Variants in GALNT15 observed in about 807,000 individuals in gnomAD.
GALNT15 encodes UDP-GalNAc transferase T15.
Under a neutral mutation model 66.8 loss-of-function variants are expected in GALNT15, and 67 were observed. The observed-to-expected ratio is 1.00, with a 90% CI of 0.82 to 1.23. The LOEUF is 1.23. Ranked by LOEUF, GALNT15 falls within the 50% of genes most tolerant of loss-of-function variation. The pLI is 0.00. For synonymous variants in GALNT15, 313 were observed against 311.5 expected (o/e 1.00, Z -0.05); for missense variants, 827 against 804.3 (o/e 1.03, Z -0.34).
intron 6 of GALNT15, among the ~76,000 whole-genome samples, chr3:16,218,636 C>T (rs2063905874): frequency 6.6e-6 from 1 of 152,074 alleles, no homozygotes; most frequent in African/African-American, 2.4e-5. Flanking sequence ...GCCCCAACCC[C>T]TAGCCCACGA....
rs1372879327 is a variant in GALNT15, at chr3:16,191,601, A to G, written c.540-4159A>G. The stretch of plus-strand genomic sequence containing the variant: ...CACCCGGCAGAGAATGTTCTGTGAA[A>G]TCAAAGAAAGGAACTTGAGTGCCCT... On this transcript the variant is annotated intron_variant, in intron 1 of 9. Transcript: ENST00000339732. This position sits in a 1 kb window ranked among gnomAD's most constrained non-coding sequence, Gnocchi z 5.2. Among the ~76,000 whole-genome samples the G allele has an allele frequency of 6.6e-6, 1 of 152,250 alleles. No homozygotes were observed. The highest frequency in any genetic ancestry group is 2.4e-5 in the African/African-American group (1 of 41,460).
At chr3:16,196,540 T>C (rs1351856049) in intron 2 of GALNT15, among the ~76,000 whole-genome samples, 2 of 152,082 alleles carry the variant, frequency 1.3e-5, no homozygotes, top group Admixed American at 6.5e-5. Context: ...TAAAAGAAGA[T>C]GGAGACAGAG....
chr3:16,212,498 A>T, intron 5 of GALNT15, 71 bp from the exon 6 acceptor site: 1 of 1,442,772 alleles, frequency 6.9e-7, no homozygotes, highest in Non-Finnish European at 9.5e-7. Context: ...CCCCTCATAG[A>T]TAGGGCTCCC....
At chr3:16,239,982 T>A in the GALNT15 span, among the ~76,000 whole-genome samples, 1 of 152,250 alleles carries the variant, frequency 6.6e-6, no homozygotes, top group Non-Finnish European at 1.5e-5. The surrounding 1 kb of genome is among the most constrained non-coding windows in gnomAD (Gnocchi z 5.2). Context: ...TCTCAAGGCT[T>A]TACCATAAGA....
chr3:16,233,429 G>A (rs970323742), downstream of GALNT15, among the ~76,000 whole-genome samples: 5 of 152,050 alleles, frequency 3.3e-5, no homozygotes, highest in Non-Finnish European at 5.9e-5. Context: ...AATAACAACC[G>A]TTGTTAATTC....
At position 16,175,482 on chromosome 3, in the gene GALNT15, G is replaced by A. The variant is rs768261466; in HGVS notation, c.331G>A (p.Gly111Ser). The change falls in exon 1 of 10, where the codon GGC becomes AGC. Residue 111 changes from glycine (G) to serine (S), a missense_variant. Gly to Ser is a moderately conservative substitution (Grantham distance 56). Transcript: ENST00000339732. The surrounding 1 kb of genome is among the most constrained non-coding windows in gnomAD (Gnocchi z 5.6). ...CCAGGCCAGAAGGAACCAGAGCCAG[G>A]GCAGGAGAGGTGGGAGCTACCGCCT... The part of the protein sequence containing the change: ...LPQARRNQSQ[G>S]RRGGSYRLIK... The A allele has an allele frequency of 1.9e-6, 3 of 1,613,874 alleles. No individual in the cohort carries two copies. In the African/African-American group the frequency reaches 4.0e-5, roughly 22 times the overall value.
chr3:16,175,258 C>T lies in GALNT15; in HGVS notation c.107C>T (p.Pro36Leu). The change falls in exon 1 of 10, where the codon CCC becomes CTC. Residue 36 changes from proline to leucine, a missense_variant. By Grantham distance (98) the Pro-to-Leu change is moderately conservative. Transcript: ENST00000339732. This position sits in a 1 kb window ranked among gnomAD's most constrained non-coding sequence, Gnocchi z 5.6. ...ATGATGGTGGCGATGTTGCACCCTC[C>T]CCACCACACCCTGCACCAGACTGTC... ...VLMMVAMLHP[P>L]HHTLHQTVTA... The T allele has an allele frequency of 3.7e-6, 6 of 1,614,168 alleles. No homozygotes were observed. Among genetic ancestry groups the T allele is most frequent in the Non-Finnish European group, 5.1e-6 (6 of 1,180,014 alleles).
chr3:16,203,281 C>T lies in GALNT15; in HGVS notation c.911+2458C>T, dbSNP rs905226318. Among the ~76,000 whole-genome samples, 2 of 151,966 alleles carry T rather than the reference C, an allele frequency of 1.3e-5. No homozygotes were observed. The highest frequency in any genetic ancestry group is 4.8e-5 in the African/African-American group (2 of 41,352). Reference sequence around the variant, plus strand: ...CATGTGTTACCTGCTGCTGTGAGTCCCTCGTATCTGCTTCTCACATCGGGG... The same window carrying T: ...CATGTGTTACCTGCTGCTGTGAGTCTCTCGTATCTGCTTCTCACATCGGGG... On this transcript the variant is annotated intron_variant, in intron 3 of 9. Coordinates refer to ENST00000339732, the MANE Select transcript of GALNT15 (RefSeq NM_054110.5). The surrounding 1 kb of genome is among the most constrained non-coding windows in gnomAD (Gnocchi z 6.2).
Position 16,195,767 on chromosome 3 carries a change from C to T in GALNT15, c.547C>T (p.Gln183Ter), listed in dbSNP as rs1160315365. The part of the protein sequence containing the change: ...LPEVRHPLCL[Q>*]QHPQDSLPTA... ...TGGCTCTCTTCCCTGCAGGTGTCTG[C>T]AGCAGCACCCTCAGGACAGCCTGCC... The change falls in exon 2 of 10, where the codon CAG (glutamine) becomes TAG (stop). Residue 183 changes from glutamine (Q) to a stop codon, truncating the protein, a stop_gained. Coordinates refer to ENST00000339732, the MANE Select transcript of GALNT15 (RefSeq NM_054110.5). LOFTEE classifies it high-confidence loss of function. The surrounding 1 kb of genome is among the most constrained non-coding windows in gnomAD (Gnocchi z 4.6). 5.6e-6 allele frequency: 9 copies of T among 1,611,798 alleles called. No homozygotes were observed. The highest frequency in any genetic ancestry group is 7.6e-6 in the Non-Finnish European group (9 of 1,178,532).
Position 16,219,366 on chromosome 3 carries a change from G to A in GALNT15, c.1393-37G>A. On this transcript the variant is annotated intron_variant, in intron 6 of 9. Transcript: ENST00000339732. This position sits in a 1 kb window ranked among gnomAD's most constrained non-coding sequence, Gnocchi z 4.3. ...ACCATGTGAATTCTGGGCAAGACAA[G>A]CTTTCATCATCCTGCTTGTGTCTTT... 6.2e-7 allele frequency: 1 copy of A among 1,609,970 alleles called. No individual in the cohort carries two copies. The highest frequency in any genetic ancestry group is 1.3e-5 in the African/African-American group (1 of 75,006).
chr3:16,229,049 A>T lies in GALNT15; in HGVS notation c.*1549A>T. ...AGCATTCATATTCATTTTTCCCCAGATGGAGTTACCTACCTTTCCACATGG... is the reference window on the plus strand; with the variant it reads ...AGCATTCATATTCATTTTTCCCCAGTTGGAGTTACCTACCTTTCCACATGG... On this transcript the variant is annotated 3_prime_UTR_variant, in exon 10 of 10. Transcript: ENST00000339732. 1 of 985,436 alleles carries T rather than the reference A, an allele frequency of 1.0e-6. No homozygotes were observed. Among genetic ancestry groups the T allele is most frequent in the Non-Finnish European group, 1.2e-6 (1 of 829,936 alleles). 61.0% of individuals were successfully genotyped at this position (985,436 alleles called of 1,614,324 possible).
intron 8 of GALNT15, 100 bp downstream of exon 8, chr3:16,220,114 C>A: frequency 2.2e-6 from 2 of 902,482 alleles, no homozygotes; most frequent in South Asian, 2.8e-5. Flanking sequence ...GAGGTATCTT[C>A]TTTCTGTGGT....
Position 16,211,770 on chromosome 3 carries a change from CAACACCAA to C in GALNT15, c.1197+532_1197+539del, listed in dbSNP as rs1049947287. ...TTCATCACAGTATCCTCCGAAAACC[CAACACCAA>C]AAAAAATTCATCATCAAGAGTGCAG... On this transcript the variant is annotated intron_variant, in intron 5 of 9. Coordinates refer to ENST00000339732, the MANE Select transcript of GALNT15 (RefSeq NM_054110.5). This position sits in a 1 kb window ranked among gnomAD's most constrained non-coding sequence, Gnocchi z 4.3. 2.0e-5 allele frequency among the ~76,000 whole-genome samples: 3 copies of C among 152,084 alleles called. No individual in the cohort carries two copies. The highest frequency in any genetic ancestry group is 7.2e-5 in the African/African-American group (3 of 41,402).
chr3:16,208,091 T>C (rs1355052342), intron 3 of GALNT15, among the ~76,000 whole-genome samples: 1 of 152,202 alleles, frequency 6.6e-6, no homozygotes, highest in East Asian at 1.9e-4. Flanking sequence ...TTTAAAGCAA[T>C]ACACCCTAAT....
chr3:16,181,227 G>T lies in GALNT15; in HGVS notation c.539+5537G>T, dbSNP rs145444069. On this transcript the variant is annotated intron_variant, in intron 1 of 9. Coordinates refer to ENST00000339732, the MANE Select transcript of GALNT15 (RefSeq NM_054110.5). The surrounding 1 kb of genome is among the most constrained non-coding windows in gnomAD (Gnocchi z 5.9). ...TGTGCAGGTACATTGGAATTATCTG[G>T]AAAGTCTTAAAAACTATTCATACTC... is the stretch of plus-strand genomic sequence containing the variant. Among the ~76,000 whole-genome samples, 12 of 152,218 alleles carry T rather than the reference G, an allele frequency of 7.9e-5. No individual in the cohort carries two copies. The highest frequency in any genetic ancestry group is 2.9e-4 in the African/African-American group (12 of 41,538).
chr3:16,190,637 CAAAA>C (rs34205852), intron 1 of GALNT15, among the ~76,000 whole-genome samples: 2 of 98,624 alleles, frequency 2.0e-5, no homozygotes, highest in Admixed American at 1.1e-4. Context: ...GACTCCGTAT[CAAAA>C]AAAAAAAAAA....
intron 6 of GALNT15, among the ~76,000 whole-genome samples, chr3:16,213,881 C>T (rs558987850): frequency 1.3e-5 from 2 of 152,344 alleles, no homozygotes; most frequent in South Asian, 4.1e-4. Context: ...CTGCCTCCTC[C>T]CCATTCTAGA....
rs1180033076 is a variant in GALNT15, at chr3:16,219,091, T to G, written c.1393-312T>G. 6.6e-6 allele frequency among the ~76,000 whole-genome samples: 1 copy of G among 152,088 alleles called. No individual in the cohort carries two copies. The highest frequency in any genetic ancestry group is 1.5e-5 in the Non-Finnish European group (1 of 68,008). On this transcript the variant is annotated intron_variant, in intron 6 of 9. Coordinates refer to ENST00000339732, the MANE Select transcript of GALNT15 (RefSeq NM_054110.5). The surrounding 1 kb of genome is among the most constrained non-coding windows in gnomAD (Gnocchi z 4.3). Reference sequence around the variant, plus strand: ...TCGGCCTCCCAAAGTGCTGGAGGTGTGAGCCACCACTCCCGGCCTATTGTA... The same window carrying G: ...TCGGCCTCCCAAAGTGCTGGAGGTGGGAGCCACCACTCCCGGCCTATTGTA...
intron 5 of GALNT15, 117 bp from the exon 6 acceptor site, chr3:16,212,452 C>A: frequency 2.2e-6 from 2 of 891,510 alleles, no homozygotes; most frequent in Non-Finnish European, 3.4e-6. Context: ...TCATCTTCAC[C>A]ATTGAGTGCT....
Sources: gnomAD v4.1 joint callset for allele counts (sites outside exome capture counted in the v4.1 genomes callset) on GRCh38, gnomAD v4.1.1 for gene constraint, Gnocchi (gnomAD v3.1) non-coding constraint, MANE v1.5 for transcripts, NCBI Gene and HGNC (gene_info 2026-07-23, HGNC 2026-07-21) for gene names.